Variants in DCC observed in about 807,000 individuals in gnomAD.
DCC encodes netrin receptor DCC.
DCC carries 58 observed loss-of-function variants against 172.5 expected under a neutral mutation model. That is an observed-to-expected ratio of 0.34 (90% CI 0.27 to 0.42). The LOEUF is 0.42. Ranked by LOEUF, DCC falls within the 10% of genes least tolerant of loss-of-function variation. The pLI is 1.00. For missense variants in DCC, 1,740 were observed against 1,791.0 expected (o/e 0.97, Z 0.51); for synonymous variants, 709 against 644.5 (o/e 1.10, Z -1.52).
chr18:52,688,008 TGAACTATAAG>T (rs527718998), intron 1 of DCC, among the ~76,000 whole-genome samples: 136 of 152,284 alleles, frequency 8.9e-4, no homozygotes, highest in African/African-American at 3.1e-3. Context: ...CATGATCCAC[TGAACTATAAG>T]GAAACCATGG....
chr18:52,521,179 T>A (rs1446861509), intron 1 of DCC, among the ~76,000 whole-genome samples: 7 of 78,056 alleles, frequency 9.0e-5, no homozygotes, highest in African/African-American at 2.1e-4. Flanking sequence ...GAATTGTGAA[T>A]TTTTTTTTGA....
chr18:52,346,594 T>C (rs1983889037), intron 1 of DCC, among the ~76,000 whole-genome samples: 1 of 152,166 alleles, frequency 6.6e-6, no homozygotes, highest in African/African-American at 2.4e-5. Flanking sequence ...AGATTGAATA[T>C]GCCTTCTTTT....
At chr18:52,345,054 A>G (rs1019083245) in intron 1 of DCC, among the ~76,000 whole-genome samples, 2 of 152,138 alleles carry the variant, frequency 1.3e-5, no homozygotes, top group South Asian at 2.1e-4. Context: ...GGCCCACACT[A>G]CTATCAGAAA....
chr18:52,849,709 C>A (rs1256817650), intron 2 of DCC, among the ~76,000 whole-genome samples: 1 of 152,060 alleles, frequency 6.6e-6, no homozygotes, highest in South Asian at 2.1e-4. Context: ...TATTAGAATG[C>A]TTCTTCATTT....
chr18:52,858,525 C>T (rs2039087782), intron 2 of DCC, among the ~76,000 whole-genome samples: 1 of 152,192 alleles, frequency 6.6e-6, no homozygotes, highest in Admixed American at 6.5e-5. Context: ...ATACAATTCT[C>T]CCAGGCTTTC....
At chr18:52,631,269 C>T (rs2034669303) in intron 1 of DCC, among the ~76,000 whole-genome samples, 1 of 151,946 alleles carries the variant, frequency 6.6e-6, no homozygotes, top group South Asian at 2.1e-4. Flanking sequence ...AACATGATAG[C>T]CGCAGGCTTG....
At chr18:53,033,486 A>G (rs961152888) in intron 5 of DCC, among the ~76,000 whole-genome samples, 1 of 152,272 alleles carries the variant, frequency 6.6e-6, no homozygotes, top group African/African-American at 2.4e-5. Flanking sequence ...CTGAGAAAAT[A>G]GAAGTCATCA....
rs559162974 is a variant in DCC, at chr18:53,492,464, T to A, written c.3898+5506T>A. Among the ~76,000 whole-genome samples, 3 of 152,296 alleles carry A rather than the reference T, an allele frequency of 2.0e-5. No homozygotes were observed. The East Asian group carries it at 5.8e-4, about 29-fold the overall frequency. On this transcript the variant is annotated intron_variant, in intron 26 of 28. Transcript: ENST00000442544. ...GTCTTATGTTTAAGTCTTTAATCCA[T>A]CTTGAGTTAATTTTTGTATAAGGTG...
At chr18:53,479,945 G>T (rs920872355) in intron 25 of DCC, among the ~76,000 whole-genome samples, 1 of 152,146 alleles carries the variant, frequency 6.6e-6, no homozygotes. Context: ...TTCACAATTT[G>T]TTGTGGAAAT....
At chr18:52,619,079 G>A (rs1028765715) in intron 1 of DCC, among the ~76,000 whole-genome samples, 16 of 151,928 alleles carry the variant, frequency 1.1e-4, no homozygotes, top group African/African-American at 3.9e-4. Flanking sequence ...CTGGGATTAC[G>A]GGCATGCACC....
intron 5 of DCC, among the ~76,000 whole-genome samples, chr18:52,995,269 C>A (rs1005333072): frequency 6.6e-6 from 1 of 152,014 alleles, no homozygotes; most frequent in African/African-American, 2.4e-5. Flanking sequence ...TTTTGTGGCA[C>A]GTGTCAGGCT....
intron 1 of DCC, among the ~76,000 whole-genome samples, chr18:52,595,477 A>C (rs977772251): frequency 6.6e-6 from 1 of 152,190 alleles, no homozygotes; most frequent in African/African-American, 2.4e-5. Context: ...TCCTTTTTAA[A>C]CTGAACTTGC....
intron 1 of DCC, among the ~76,000 whole-genome samples, chr18:52,637,397 G>A (rs1280709251): frequency 2.0e-5 from 3 of 152,030 alleles, no homozygotes; most frequent in Non-Finnish European, 2.9e-5. Flanking sequence ...AAAGCCAAAT[G>A]CAAGGAAATC....
intron 2 of DCC, among the ~76,000 whole-genome samples, chr18:52,902,849 A>G (rs1310973583): frequency 6.6e-6 from 1 of 152,202 alleles, no homozygotes; most frequent in East Asian, 1.9e-4. Context: ...AAGACTATGC[A>G]TCATGTTTAT....
At chr18:52,368,989 A>G (rs183246793) in intron 1 of DCC, among the ~76,000 whole-genome samples, 1 of 152,338 alleles carries the variant, frequency 6.6e-6, no homozygotes, top group African/African-American at 2.4e-5. Flanking sequence ...AGAAAGCACC[A>G]GTTCTGAGTG....
At chr18:53,462,469 A>G (rs1022612894) in intron 24 of DCC, among the ~76,000 whole-genome samples, 1 of 151,572 alleles carries the variant, frequency 6.6e-6, no homozygotes, top group South Asian at 2.1e-4. Context: ...ACTGTCTCCC[A>G]TAACCCCCAG....
chr18:52,900,931 C>A (rs746647422), intron 2 of DCC, among the ~76,000 whole-genome samples: 1 of 152,170 alleles, frequency 6.6e-6, no homozygotes, highest in Non-Finnish European at 1.5e-5. Context: ...TTAAGTACTT[C>A]AGGCTGAAAT....
chr18:52,597,237 C>A (rs900931585), intron 1 of DCC, among the ~76,000 whole-genome samples: 1 of 152,168 alleles, frequency 6.6e-6, no homozygotes, highest in Non-Finnish European at 1.5e-5. Flanking sequence ...GGTTGCTTTG[C>A]CAAACCTGTC....
intron 12 of DCC, among the ~76,000 whole-genome samples, chr18:53,286,555 T>A (rs1229615241): frequency 6.6e-6 from 1 of 152,206 alleles, no homozygotes; most frequent in Non-Finnish European, 1.5e-5. Context: ...GAAAACAGAC[T>A]AATACACAAT....
Sources: allele counts gnomAD v4.1 joint callset (sites outside exome capture counted in the v4.1 genomes callset), GRCh38; gene constraint gnomAD v4.1.1; transcripts MANE v1.5; gene names NCBI Gene and HGNC (gene_info 2026-07-23, HGNC 2026-07-21).